Variants in INPP5K observed in about 807,000 individuals in gnomAD.
INPP5K encodes the protein inositol polyphosphate 5-phosphatase K.
In INPP5K, 35 loss-of-function variants were observed where a neutral mutation model predicts 53.5. The ratio of observed to expected loss-of-function variants is 0.65; its 90% CI spans 0.50 to 0.87. The LOEUF (loss-of-function observed/expected upper bound fraction) is 0.87. INPP5K is among the 40% of genes least tolerant of loss of function. The pLI, the probability that INPP5K is intolerant of heterozygous loss-of-function variation, is 0.00. For synonymous variants in INPP5K, 253 were observed against 232.8 expected (o/e 1.09, Z -0.79); for missense variants, 550 against 586.2 (o/e 0.94, Z 0.64).
intron 8 of INPP5K, among the ~76,000 whole-genome samples, chr17:1,497,532 G>A (rs1055055481): frequency 5.3e-5 from 8 of 152,194 alleles, no homozygotes; most frequent in African/African-American, 1.9e-4. Context: ...GCAGCAGCCT[G>A]AAGGAGGCCA....
chr17:1,516,559 C>CG lies in INPP5K; in HGVS notation c.-61dup. 6.6e-7 allele frequency: 1 copy of CG among 1,505,720 alleles called. No individual in the cohort carries two copies. The highest frequency in any genetic ancestry group is 1.3e-5 in the South Asian group (1 of 79,738). 93.3% of individuals were successfully genotyped at this position (1,505,720 alleles called of 1,614,324 possible). A position where few individuals can be genotyped will look rare whatever the true frequency, so the allele number is the denominator to read the frequency against. On this transcript the variant is annotated 5_prime_UTR_variant, in exon 1 of 12. Transcript: ENST00000421807. The stretch of plus-strand genomic sequence containing the variant: ...TTCGCGTCTCCCGGCCAGCGGGTCC[C>CG]GGCCAGAGCAGCCCTGCGGGCGGCC...
chr17:1,511,243 G>A (rs1337757596), intron 3 of INPP5K, among the ~76,000 whole-genome samples: 1 of 152,146 alleles, frequency 6.6e-6, no homozygotes, highest in Non-Finnish European at 1.5e-5. Flanking sequence ...TGTAGTTGAG[G>A]AACTAAGATT....
rs577324542 is a variant in INPP5K, at chr17:1,509,338, C to T, written c.394G>A (p.Val132Ile). Reference sequence around the variant, plus strand: ...CCATAAAGCTTCAGGCAGATGTTGACTCCACCTTTGTTCCCCTGGTAGAAC... The same window carrying T: ...CCATAAAGCTTCAGGCAGATGTTGATTCCACCTTTGTTCCCCTGGTAGAAC... ...LFGYWGNKGGVNICLKLYGYY... is the reference protein window; with the variant it reads ...LFGYWGNKGGINICLKLYGYY... Residue 132 changes from valine (V) to isoleucine (I), a missense_variant, in exon 5 of 12, where the codon GTC becomes ATC. Transcript: ENST00000421807. 1.9e-6 allele frequency: 3 copies of T among 1,613,708 alleles called. No individual in the cohort carries two copies. Among genetic ancestry groups the T allele is most frequent in the Non-Finnish European group, 2.5e-6 (3 of 1,179,676 alleles).
chr17:1,495,787 C>T lies in INPP5K; in HGVS notation c.*36G>A. On this transcript the variant is annotated 3_prime_UTR_variant, in exon 12 of 12. Coordinates refer to ENST00000421807, the MANE Select transcript of INPP5K (RefSeq NM_016532.4). Reference sequence around the variant, plus strand: ...GTGGAAAGGCAGAGCTGGCTGCCAGCTCTGGCCTCCGCCTGGGATTCACTC... The same window carrying T: ...GTGGAAAGGCAGAGCTGGCTGCCAGTTCTGGCCTCCGCCTGGGATTCACTC... The T allele has an allele frequency of 6.4e-7, 1 of 1,556,464 alleles. No individual in the cohort carries two copies. Among genetic ancestry groups the T allele is most frequent in the Non-Finnish European group, 8.8e-7 (1 of 1,130,966 alleles).
Position 1,495,876 on chromosome 17 carries a change from G to A in INPP5K, c.1294C>T (p.Pro432Ser). 3 of 1,611,854 alleles carry A rather than the reference G, an allele frequency of 1.9e-6. No individual in the cohort carries two copies. The highest frequency in any genetic ancestry group is 2.5e-6 in the Non-Finnish European group (3 of 1,178,184). The change falls in exon 12 of 12, where the codon CCG (proline) becomes TCG (serine). Residue 432 changes from proline (P) to serine (S), a missense_variant. Coordinates refer to ENST00000421807, the MANE Select transcript of INPP5K (RefSeq NM_016532.4). ...VVGISRPFQI[P>S]PGSLREDPLG... ...GGGTCCTCCCTCAAGGAGCCAGGCG[G>A]GATCTGCAGGGATAAAGCAGGTGGT... is the stretch of plus-strand genomic sequence containing the variant.
chr17:1,501,097 T>G (rs1340048439), intron 7 of INPP5K, among the ~76,000 whole-genome samples: 1 of 152,194 alleles, frequency 6.6e-6, no homozygotes, highest in East Asian at 1.9e-4. Context: ...TAGCTGGGAT[T>G]ATAGGCGTTG....
At chr17:1,500,098 C>A (rs542660575) in intron 7 of INPP5K, among the ~76,000 whole-genome samples, 1 of 152,342 alleles carries the variant, frequency 6.6e-6, no homozygotes, top group East Asian at 1.9e-4. Flanking sequence ...CAGGCATGTG[C>A]CAGGGCACCC....
rs1487693237 is a variant in INPP5K, at chr17:1,496,117, G to A, written c.1233C>T (p.Leu411=). Residue 411 remains leucine, a synonymous_variant, in exon 11 of 12, where the codon CTC becomes CTT. Transcript: ENST00000421807. The part of the protein sequence containing the change: ...SNIPTTEDEF[L]LCYYSNSLRS... ...GCAGACTGTTGCTGTAGTAACAGAG[G>A]AGAAACTCATCTTCAGTGGTAGGGA... The A allele has an allele frequency of 3.1e-6, 5 of 1,613,740 alleles. No homozygotes were observed. Among genetic ancestry groups the A allele is most frequent in the South Asian group, 2.2e-5 (2 of 91,064 alleles).
intron 6 of INPP5K, chr17:1,507,709 T>C (rs1200851220): frequency 1.9e-5 from 3 of 159,640 alleles, no homozygotes; most frequent in African/African-American, 7.3e-5. Context: ...CCCGGCGAAT[T>C]TTTTTTTGTA....
In INPP5K at chr17:1,513,483, C is replaced by G; in HGVS notation, c.231G>C (p.Met77Ile). 2 of 1,614,212 alleles carry G rather than the reference C, an allele frequency of 1.2e-6. No individual in the cohort carries two copies. Among genetic ancestry groups the G allele is most frequent in the Non-Finnish European group, 8.5e-7 (1 of 1,180,014 alleles). ...TGAAGCTCAGAGGGGAAAGCACATC[C>G]ATGAGGAAACTGCTCCACGAGTCAT... Reference protein sequence around the residue: ...AFNDSWSSFLMDVLSPLSFIK... With the variant: ...AFNDSWSSFLIDVLSPLSFIK... Residue 77 changes from methionine (M) to isoleucine (I), a missense_variant, in exon 3 of 12, where the codon ATG (methionine) becomes ATC (isoleucine). Physicochemically the swap from Met to Ile is conservative, Grantham distance 10. Coordinates refer to ENST00000421807, the MANE Select transcript of INPP5K (RefSeq NM_016532.4).
chr17:1,506,211 ATGGGGTTTTACCATGTTGGTCAGGC>A (rs892287689), intron 7 of INPP5K, among the ~76,000 whole-genome samples: 1 of 151,962 alleles, frequency 6.6e-6, no homozygotes, highest in Admixed American at 6.6e-5. Flanking sequence ...TTTAGTAGAG[ATGGGGTTTTACCATGTTGGTCAGGC>A]TGGTCTCAAA....
chr17:1,506,888 C>A (rs1050323617), intron 7 of INPP5K, 92 bp downstream of exon 7: 10 of 869,460 alleles, frequency 1.2e-5, no homozygotes, highest in African/African-American at 1.7e-5. Flanking sequence ...TTCCTGCCCC[C>A]CCTAACACTT....
At position 1,513,961 on chromosome 17, in the gene INPP5K, C is replaced by G; in HGVS notation, c.63G>C (p.Trp21Cys). 1 of 1,612,084 alleles carries G rather than the reference C, an allele frequency of 6.2e-7. No individual in the cohort carries two copies. Among genetic ancestry groups the G allele is most frequent in the Non-Finnish European group, 8.5e-7 (1 of 1,178,690 alleles). ...GRRLSIHVVT[W>C]NVASAAPPLD... ...GAGGGGGCGCTGCCGAAGCCACGTT[C>G]CAAGTCACGACGTGTATGCTGCGGA... Residue 21 changes from tryptophan to cysteine, a missense_variant, in exon 2 of 12, where the codon TGG becomes TGC. Trp to Cys is a radical substitution (Grantham distance 215). Transcript: ENST00000421807.
chr17:1,508,400 C>A, intron 5 of INPP5K, 174 bp from the exon 6 acceptor site: 1 of 613,734 alleles, frequency 1.6e-6, no homozygotes. Flanking sequence ...GGCTCCTAAA[C>A]CACCATTCAA....
chr17:1,502,372 G>A (rs1180427381), intron 7 of INPP5K, among the ~76,000 whole-genome samples: 1 of 151,046 alleles, frequency 6.6e-6, no homozygotes, highest in Non-Finnish European at 1.5e-5. Context: ...AACAAACTTG[G>A]TAATGAACCA....
At chr17:1,498,165 G>A (rs749709666) in intron 7 of INPP5K, 43 bp from the exon 8 acceptor site, 3 of 1,525,606 alleles carry the variant, frequency 2.0e-6, no homozygotes. Flanking sequence ...GGGGAAAGAA[G>A]AAAGGGTTGG....
rs1301765677 is a variant in INPP5K, at chr17:1,495,137, TTC to T, written c.*684_*685del. On this transcript the variant is annotated 3_prime_UTR_variant, in exon 12 of 12. Transcript: ENST00000421807. ...GGAAGCGAACCTGGATCCTTCCCAG[TTC>T]TCTCTGTCAGGATCTGGAACTTCCA... 1 of 152,264 alleles carries T rather than the reference TTC, an allele frequency of 6.6e-6. No individual in the cohort carries two copies. Among genetic ancestry groups the T allele is most frequent in the Non-Finnish European group, 1.5e-5 (1 of 68,062 alleles). 9.4% of individuals were successfully genotyped at this position (152,264 alleles called of 1,614,324 possible).
At chr17:1,508,679 G>A (rs750927763) in intron 5 of INPP5K, among the ~76,000 whole-genome samples, 1 of 152,208 alleles carries the variant, frequency 6.6e-6, no homozygotes, top group Non-Finnish European at 1.5e-5. Context: ...CCAGAACACT[G>A]ACGACACTGG....
At chr17:1,515,639 A>C in intron 1 of INPP5K, 2 of 964,806 alleles carry the variant, frequency 2.1e-6, no homozygotes, top group South Asian at 9.6e-5. Flanking sequence ...TAATGCCAAA[A>C]CATCTCTCCT....
Sources: allele counts gnomAD v4.1 joint callset (sites outside exome capture counted in the v4.1 genomes callset), GRCh38; gene constraint gnomAD v4.1.1; transcripts MANE v1.5; gene names NCBI Gene and HGNC (gene_info 2026-07-23, HGNC 2026-07-21).